The following GBE1 variants were observed in gnomAD, a reference collection of about 807,000 sequenced individuals.
GBE1 encodes 1,4-alpha-glucan-branching enzyme.
Under a neutral mutation model 88.8 loss-of-function variants are expected in GBE1, and 70 were observed. The observed-to-expected ratio is 0.79, with a 90% confidence interval of 0.65 to 0.96. GBE1 has a LOEUF of 0.96. GBE1 is among the 40% of genes least tolerant of loss of function. The pLI, the probability that GBE1 is intolerant of heterozygous loss-of-function variation, is 0.00. For synonymous variants in GBE1, 284 were observed against 300.1 expected, an observed-to-expected ratio of 0.95 and a Z score of 0.56; for missense variants, 872 against 871.0, an observed-to-expected ratio of 1.00 and a Z score of -0.01.
rs1237207306 is a variant in GBE1, at chr3:81,553,721, G to C, written c.1619-16626C>G. 4.0e-5 allele frequency among the ~76,000 whole-genome samples: 6 copies of C among 150,566 alleles called. No homozygotes were observed. The East Asian group carries it at 9.7e-4, about 24-fold the overall frequency. On this transcript the variant is annotated intron_variant, in intron 12 of 15. Coordinates refer to ENST00000429644, the MANE Select transcript of GBE1 (RefSeq NM_000158.4). ...AAAAAACAGACAGAAAGTACAATGGGGTAGAAAGGGGGTGGATAAAGAGGA... is the reference window on the plus strand; with the variant it reads ...AAAAAACAGACAGAAAGTACAATGGCGTAGAAAGGGGGTGGATAAAGAGGA...
At chr3:81,505,527 T>C (rs2106819534) in intron 14 of GBE1, among the ~76,000 whole-genome samples, 1 of 152,322 alleles carries the variant, frequency 6.6e-6, no homozygotes, top group African/African-American at 2.4e-5. Flanking sequence ...GTTATAGCTA[T>C]CTAGCATCTC....
At chr3:81,712,802 A>G (rs1255146206) in intron 1 of GBE1, among the ~76,000 whole-genome samples, 3 of 151,466 alleles carry the variant, frequency 2.0e-5, no homozygotes, top group Admixed American at 6.6e-5. Context: ...TATAATAAAA[A>G]TAAATAAATA....
At position 81,578,095 on chromosome 3, in the gene GBE1, G is replaced by C; in HGVS notation, c.1448C>G (p.Ala483Gly). The stretch of plus-strand genomic sequence containing the variant: ...TGCCAGCGACTTATCCCCAACCAAT[G>C]CCTACAGAAATAAAAGTAATGGAGA... ...CIAYAESHDQALVGDKSLAFW... is the reference protein window; with the variant it reads ...CIAYAESHDQGLVGDKSLAFW... The change falls in exon 12 of 16, where the codon GCA becomes GGA. Residue 483 changes from alanine to glycine, a missense_variant and splice_region_variant. Transcript: ENST00000429644. The C allele has an allele frequency of 6.3e-7, 1 of 1,588,862 alleles. No homozygotes were observed. Among genetic ancestry groups the C allele is most frequent in the Non-Finnish European group, 8.6e-7 (1 of 1,168,014 alleles).
intron 10 of GBE1, among the ~76,000 whole-genome samples, chr3:81,582,059 T>G (rs1297346980): frequency 1.3e-5 from 2 of 152,090 alleles, no homozygotes; most frequent in Non-Finnish European, 2.9e-5. Flanking sequence ...TACTATAAAT[T>G]CTCTTCCTCT....
intron 7 of GBE1, among the ~76,000 whole-genome samples, chr3:81,620,518 A>C (rs1487809778): frequency 6.6e-6 from 1 of 152,190 alleles, no homozygotes; most frequent in Non-Finnish European, 1.5e-5. Flanking sequence ...TGAAATTTAA[A>C]GAGCACTTAG....
chr3:81,622,432 T>C (rs942198134), intron 7 of GBE1, among the ~76,000 whole-genome samples: 1 of 152,202 alleles, frequency 6.6e-6, no homozygotes, highest in East Asian at 1.9e-4. Context: ...CTCTTTATGT[T>C]AGAGTAACTT....
intron 1 of GBE1, among the ~76,000 whole-genome samples, chr3:81,742,044 T>G (rs907204028): frequency 6.6e-5 from 10 of 151,842 alleles, no homozygotes; most frequent in Non-Finnish European, 1.3e-4. Context: ...TCTTGCATGT[T>G]TCTGTTTGCC....
At chr3:81,742,495 T>C (rs1479421654) in intron 1 of GBE1, among the ~76,000 whole-genome samples, 1 of 152,136 alleles carries the variant, frequency 6.6e-6, no homozygotes, top group Admixed American at 6.6e-5. Flanking sequence ...AATGAAATAA[T>C]ATTTTTGTGA....
chr3:81,566,789 T>TG (rs1394598467), intron 12 of GBE1, among the ~76,000 whole-genome samples: 1 of 152,124 alleles, frequency 6.6e-6, no homozygotes, highest in Non-Finnish European at 1.5e-5. Context: ...GTCTTTTTTC[T>TG]GGGGGGAAGG....
At chr3:81,704,296 A>G (rs778574500) in intron 2 of GBE1, among the ~76,000 whole-genome samples, 27 of 152,070 alleles carry the variant, frequency 1.8e-4, no homozygotes, top group Admixed American at 2.6e-4. Flanking sequence ...AATGCATATT[A>G]ATATAAAACC....
intron 3 of GBE1, among the ~76,000 whole-genome samples, chr3:81,663,074 G>A (rs1000808125): frequency 5.3e-5 from 8 of 152,166 alleles, no homozygotes; most frequent in Admixed American, 5.2e-4. Context: ...GGAAGTGCTA[G>A]GAAGGGAAAA....
chr3:81,527,862 A>G (rs1702965194), intron 14 of GBE1, among the ~76,000 whole-genome samples: 2 of 152,060 alleles, frequency 1.3e-5, no homozygotes, highest in Admixed American at 1.3e-4. Context: ...TCATCCCATT[A>G]CTGGGTATAT....
Position 81,633,760 on chromosome 3 carries a change from CCTT to C in GBE1, c.992+9018_992+9020del, listed in dbSNP as rs1322856279. 2.0e-5 allele frequency among the ~76,000 whole-genome samples: 3 copies of C among 152,036 alleles called. No homozygotes were observed. The East Asian group carries it at 5.8e-4, about 29-fold the overall frequency. ...ATTTAATCTATGAAGGTATAGTTGT[CCTT>C]ATTAGATTTGACTTATGCCTTAATT... On this transcript the variant is annotated intron_variant, in intron 7 of 15. Coordinates refer to ENST00000429644, the MANE Select transcript of GBE1 (RefSeq NM_000158.4).
At position 81,733,620 on chromosome 3, in the gene GBE1, C is replaced by T. The variant is rs1706217350; in HGVS notation, c.143+27755G>A. 6.6e-6 allele frequency among the ~76,000 whole-genome samples: 1 copy of T among 152,140 alleles called. No individual in the cohort carries two copies. The highest frequency in any genetic ancestry group is 2.4e-5 in the African/African-American group (1 of 41,434). ...ATGACTAATTCCCCTGCAGGTCTTT[C>T]CACAAATGTCAGCTTCTCAATAGTT... On this transcript the variant is annotated intron_variant, in intron 1 of 15. Coordinates refer to ENST00000429644, the MANE Select transcript of GBE1 (RefSeq NM_000158.4). The surrounding 1 kb of genome is among the most constrained non-coding windows in gnomAD (Gnocchi z 4.0).
chr3:81,581,670 A>C (rs574538717), intron 10 of GBE1, among the ~76,000 whole-genome samples: 2 of 152,136 alleles, frequency 1.3e-5, no homozygotes, highest in East Asian at 3.8e-4. Flanking sequence ...TTATTTGTTT[A>C]TATGAAAAAA....
At chr3:81,605,464 C>G (rs34905475) in intron 7 of GBE1, among the ~76,000 whole-genome samples, 19,353 of 152,106 alleles carry the variant, frequency 0.13, 1,794 homozygotes, top group East Asian at 0.37. Context: ...GGTGCTTTAC[C>G]TCTAAAGATA....
intron 1 of GBE1, among the ~76,000 whole-genome samples, 191 bp downstream of exon 1, chr3:81,761,184 C>A (rs1706677774): frequency 6.6e-6 from 1 of 152,246 alleles, no homozygotes. Context: ...CGGGCACCAG[C>A]GCTGTCAAAC....
chr3:81,724,473 C>A (rs1293055481), intron 1 of GBE1, among the ~76,000 whole-genome samples: 1 of 152,118 alleles, frequency 6.6e-6, no homozygotes, highest in Non-Finnish European at 1.5e-5. Context: ...TGCTCCAAAT[C>A]TTTCTAGTCA....
At chr3:81,558,036 G>A (rs1336604178) in intron 12 of GBE1, among the ~76,000 whole-genome samples, 4 of 151,928 alleles carry the variant, frequency 2.6e-5, no homozygotes, top group East Asian at 3.9e-4. Context: ...GGTGGGTAGC[G>A]TATGAGGAAG....
Sources: gnomAD v4.1 joint callset for allele counts (sites outside exome capture counted in the v4.1 genomes callset) on GRCh38, gnomAD v4.1.1 for gene constraint, Gnocchi (gnomAD v3.1) non-coding constraint, MANE v1.5 for transcripts, NCBI Gene and HGNC (gene_info 2026-07-23, HGNC 2026-07-21) for gene names.